The following TNRC6B variants were observed in gnomAD, a reference collection of about 807,000 sequenced individuals.
TNRC6B encodes trinucleotide repeat containing adaptor 6B.
A neutral mutation model predicts 203.6 loss-of-function variants in TNRC6B; 52 were observed. The ratio of observed to expected loss-of-function variants is 0.26; its 90% CI spans 0.20 to 0.32. The LOEUF is 0.32. Ranked by LOEUF, TNRC6B falls within the 10% of genes least tolerant of loss-of-function variation. The pLI is 1.00. For synonymous variants in TNRC6B, 838 were observed against 845.7 expected (o/e 0.99, Z 0.16); for missense variants, 1,923 against 2,286.2 (o/e 0.84, Z 3.24).
At chr22:40,138,700 T>C (rs2068621068) in intron 3 of TNRC6B, among the ~76,000 whole-genome samples, 1 of 152,138 alleles carries the variant, frequency 6.6e-6, no homozygotes, top group Admixed American at 6.6e-5. Context: ...TTAGGAGTTC[T>C]CAGCATATAG....
chr22:40,253,896 A>C (rs1023150068), intron 3 of TNRC6B, among the ~76,000 whole-genome samples: 3 of 152,158 alleles, frequency 2.0e-5, no homozygotes, highest in African/African-American at 7.2e-5. Flanking sequence ...TCCTCAGGCA[A>C]TCTGCCCTTC....
intron 6 of TNRC6B, among the ~76,000 whole-genome samples, chr22:40,272,651 A>T (rs553285773): frequency 1.3e-5 from 2 of 152,354 alleles, no homozygotes; most frequent in East Asian, 3.9e-4. Flanking sequence ...GACTTATTCC[A>T]GTCTTCAAAT....
chr22:40,103,210 G>A (rs535174031), intron 1 of TNRC6B, among the ~76,000 whole-genome samples: 7 of 151,778 alleles, frequency 4.6e-5, no homozygotes, highest in South Asian at 2.1e-4. Context: ...TGAGTCTGCC[G>A]TGAGCTCTGC....
chr22:40,120,787 A>T (rs1408241084), intron 2 of TNRC6B, among the ~76,000 whole-genome samples: 1 of 152,220 alleles, frequency 6.6e-6, no homozygotes, highest in Non-Finnish European at 1.5e-5. Flanking sequence ...AAGTTGCCAT[A>T]GGAGAACTGG....
intron 1 of TNRC6B, among the ~76,000 whole-genome samples, chr22:40,184,746 TG>T (rs1010753561): frequency 1.3e-5 from 2 of 152,058 alleles, no homozygotes; most frequent in African/African-American, 4.8e-5. Flanking sequence ...AGTTGGTCAT[TG>T]GGTATGAGAA....
At chr22:40,191,957 G>C (rs377482316) in intron 1 of TNRC6B, among the ~76,000 whole-genome samples, 1 of 152,136 alleles carries the variant, frequency 6.6e-6, no homozygotes, top group Non-Finnish European at 1.5e-5. Context: ...CGCCATGTTG[G>C]CCAGGCTGGT....
intron 13 of TNRC6B, 43 bp downstream of exon 13, chr22:40,300,629 C>CTT (rs760173063): frequency 1.5e-4 from 188 of 1,290,836 alleles, no homozygotes; most frequent in South Asian, 3.3e-4. Context: ...AGGTCATTTG[C>CTT]TTTTTTTTTT....
chr22:40,148,268 G>A (rs560799584), intron 3 of TNRC6B, among the ~76,000 whole-genome samples: 27 of 151,016 alleles, frequency 1.8e-4, no homozygotes, highest in Admixed American at 5.3e-4. Flanking sequence ...CTACAACCAC[G>A]TTGGAAAACA....
chr22:40,051,583 T>C lies in TNRC6B; in HGVS notation c.-121+6585T>C, dbSNP rs960523348. 3.3e-5 allele frequency among the ~76,000 whole-genome samples: 5 copies of C among 152,244 alleles called. No homozygotes were observed. In the East Asian group the frequency reaches 9.6e-4, roughly 29 times the overall value. On this transcript the variant is annotated intron_variant, in intron 1 of 23. Coordinates refer to the TNRC6B transcript ENST00000301923. ...TCTTCCTGAAACAGTGCTTTGTTTA[T>C]GTTTCCTGCTCCCTCCCAAATCGAC...
At position 40,312,640 on chromosome 22, in the gene TNRC6B, A is replaced by G; in HGVS notation, c.4571A>G (p.Asp1524Gly). The G allele has an allele frequency of 3.1e-6, 5 of 1,611,660 alleles. No individual in the cohort carries two copies. Among genetic ancestry groups the G allele is most frequent in the Non-Finnish European group, 4.2e-6 (5 of 1,179,144 alleles). The change falls in exon 18 of 23, where the codon GAT becomes GGT. Residue 1524 changes from aspartate (D) to glycine (G), a missense_variant. Asp to Gly is a moderately conservative substitution (Grantham distance 94, BLOSUM62 -1). Coordinates refer to ENST00000454349, the MANE Select transcript of TNRC6B (RefSeq NM_001162501.2). ...GATACTGACCACCAACTGCTGCGGG[A>G]TAACACCACAGGTACTTGAGCAAAG... ...IVDTDHQLLR[D>G]NTTGSNSSLN...
intron 15 of TNRC6B, among the ~76,000 whole-genome samples, chr22:40,306,580 T>C (rs1251846610): frequency 6.6e-6 from 1 of 152,234 alleles, no homozygotes; most frequent in Non-Finnish European, 1.5e-5. Flanking sequence ...ATTAAGGCTA[T>C]GTCAGAGAAA....
intron 12 of TNRC6B, among the ~76,000 whole-genome samples, chr22:40,293,429 G>A (rs1019266691): frequency 3.9e-5 from 6 of 152,074 alleles, no homozygotes; most frequent in African/African-American, 1.4e-4. Context: ...CTGGCCTCAC[G>A]TGATCTGCCC....
intron 1 of TNRC6B, among the ~76,000 whole-genome samples, chr22:40,089,972 G>A (rs963959292): frequency 6.6e-6 from 1 of 152,164 alleles, no homozygotes; most frequent in African/African-American, 2.4e-5. Flanking sequence ...TCACTTGGTA[G>A]TATGTATTTT....
At chr22:40,277,052 G>T (rs1340021615) in intron 7 of TNRC6B, 25 bp from the exon 8 acceptor site, 2 of 1,553,522 alleles carry the variant, frequency 1.3e-6, no homozygotes, top group Non-Finnish European at 8.7e-7. Context: ...ATTTGGTTCT[G>T]AGGTTCCGTG....
chr22:40,120,518 T>C (rs8136657), intron 2 of TNRC6B, among the ~76,000 whole-genome samples: 57,837 of 151,834 alleles, frequency 0.38, 16,629 homozygotes, highest in African/African-American at 0.81. Flanking sequence ...TTGAGAGTAA[T>C]TAGAAATGAG....
chr22:40,280,424 C>G (rs1725499489), intron 10 of TNRC6B, among the ~76,000 whole-genome samples: 1 of 152,226 alleles, frequency 6.6e-6, no homozygotes, highest in Admixed American at 6.5e-5. Flanking sequence ...ACTCTGCATT[C>G]TTTTTTCCGC....
At chr22:40,220,365 A>G (rs1253030335) in intron 1 of TNRC6B, among the ~76,000 whole-genome samples, 2 of 151,900 alleles carry the variant, frequency 1.3e-5, no homozygotes, top group Non-Finnish European at 2.9e-5. Context: ...TGCATTTTCC[A>G]TTCCCTTTGA....
At chr22:40,094,474 TA>T (rs138147648) in intron 1 of TNRC6B, among the ~76,000 whole-genome samples, 6,696 of 152,226 alleles carry the variant, frequency 0.044, 439 homozygotes, top group African/African-American at 0.14. Flanking sequence ...ATGAAATATT[TA>T]AAAAAACAAA....
intron 15 of TNRC6B, among the ~76,000 whole-genome samples, chr22:40,303,249 C>T (rs2071048991): frequency 1.3e-5 from 2 of 152,108 alleles, no homozygotes; most frequent in South Asian, 4.2e-4. Flanking sequence ...TGGTCTTGAA[C>T]TCCTGACCTC....
Sources: gnomAD v4.1 joint callset for allele counts (sites outside exome capture counted in the v4.1 genomes callset) on GRCh38, gnomAD v4.1.1 for gene constraint, MANE v1.5 for transcripts, NCBI Gene and HGNC (gene_info 2026-07-23, HGNC 2026-07-21) for gene names.